Variants in PCDH7 observed in about 807,000 individuals in gnomAD.
The protein encoded by PCDH7 is protocadherin 7, also known as protocadherin-7.
In PCDH7, 17 loss-of-function variants were observed where a neutral mutation model predicts 58.9. The observed-to-expected ratio is 0.29, with a 90% CI of 0.20 to 0.43. The LOEUF is 0.43. Among genes scored for constraint, PCDH7 ranks in the 20% least tolerant of loss-of-function variants. The pLI is 1.00. For synonymous variants in PCDH7, 664 were observed against 616.4 expected, an observed-to-expected ratio of 1.08 and a Z score of -1.14; for missense variants, 1,274 against 1,441.0, an observed-to-expected ratio of 0.88 and a Z score of 1.88.
intron 3 of PCDH7, among the ~76,000 whole-genome samples, chr4:31,009,323 G>A (rs1028846636): frequency 2.0e-5 from 3 of 151,980 alleles, no homozygotes; most frequent in Admixed American, 1.3e-4. Flanking sequence ...AGTGGAAATA[G>A]GGAAACAGCT....
chr4:31,090,436 A>C (rs972202749), intron 3 of PCDH7, among the ~76,000 whole-genome samples: 1 of 152,040 alleles, frequency 6.6e-6, no homozygotes, highest in Non-Finnish European at 1.5e-5. Context: ...TTATGCTCTT[A>C]GTTATTTTAA....
chr4:30,746,423 G>T (rs377238598), intron 1 of PCDH7, among the ~76,000 whole-genome samples: 1 of 152,158 alleles, frequency 6.6e-6, no homozygotes. Flanking sequence ...AGAGCAGGGG[G>T]TAGATGTTCT....
rs763191961 is a variant in PCDH7 at position 31,113,456 on chromosome 4, T to C, written c.*8-29017T>C. Among the ~76,000 whole-genome samples the C allele has an allele frequency of 3.9e-5, 6 of 152,200 alleles. No individual in the cohort carries two copies. In the South Asian group the frequency reaches 8.3e-4, roughly 21 times the overall value. On this transcript the variant is annotated intron_variant, in intron 3 of 3. Transcript: ENST00000509759. ...TTAACCAGAATATAAAAGATCCTCA[T>C]GTAGGACATGTTGGTAATATTTCCT... is the stretch of plus-strand genomic sequence containing the variant.
chr4:30,984,621 G>A (rs1750821145), intron 3 of PCDH7, among the ~76,000 whole-genome samples: 1 of 152,156 alleles, frequency 6.6e-6, no homozygotes, highest in South Asian at 2.1e-4. Context: ...ATTGTATGCA[G>A]GAGCAAATTG....
intron 1 of PCDH7, among the ~76,000 whole-genome samples, chr4:30,785,597 A>G (rs1056100481): frequency 7.9e-5 from 12 of 152,038 alleles, no homozygotes; most frequent in African/African-American, 2.9e-4. Context: ...ATACTGTCAG[A>G]GCATTTTAAT....
chr4:30,899,333 T>C (rs2109392931), intron 1 of PCDH7, among the ~76,000 whole-genome samples: 1 of 152,318 alleles, frequency 6.6e-6, no homozygotes, highest in South Asian at 2.1e-4. Context: ...AATTGCCCTT[T>C]TTTGACTTCC....
chr4:30,789,104 G>A (rs1004750232), intron 1 of PCDH7, among the ~76,000 whole-genome samples: 4 of 152,100 alleles, frequency 2.6e-5, no homozygotes, highest in Non-Finnish European at 5.9e-5. Flanking sequence ...ATGTACTGAG[G>A]TATAAGTTAT....
intron 3 of PCDH7, among the ~76,000 whole-genome samples, chr4:31,087,895 TATA>T (rs1333843450): frequency 6.6e-6 from 1 of 152,092 alleles, no homozygotes; most frequent in Non-Finnish European, 1.5e-5. Flanking sequence ...AGGGAAGAAA[TATA>T]ATGATCATAC....
At chr4:31,126,414 C>G (rs929739871) in intron 3 of PCDH7, among the ~76,000 whole-genome samples, 3 of 152,118 alleles carry the variant, frequency 2.0e-5, no homozygotes, top group African/African-American at 7.2e-5. Context: ...CTCACCTCAG[C>G]CTCTCAAGGT....
intron 1 of PCDH7, among the ~76,000 whole-genome samples, chr4:30,795,356 C>T (rs565327663): frequency 7.2e-5 from 11 of 152,182 alleles, no homozygotes; most frequent in African/African-American, 1.9e-4. Flanking sequence ...GAACATTTTA[C>T]GTATGACATA....
chr4:30,973,446 A>G (rs1749780130), intron 3 of PCDH7, among the ~76,000 whole-genome samples: 1 of 152,186 alleles, frequency 6.6e-6, no homozygotes, highest in Admixed American at 6.5e-5. Context: ...TGATTGGTGC[A>G]TTTTTGGAAT....
intron 1 of PCDH7, among the ~76,000 whole-genome samples, chr4:30,763,359 C>T (rs1427467077): frequency 6.6e-6 from 1 of 152,114 alleles, no homozygotes; most frequent in East Asian, 1.9e-4. Context: ...TAAAGTCTAA[C>T]TACAGTTACA....
intron 3 of PCDH7, among the ~76,000 whole-genome samples, chr4:31,066,249 G>C (rs1481396081): frequency 6.6e-6 from 1 of 151,858 alleles, no homozygotes; most frequent in Non-Finnish European, 1.5e-5. Context: ...TATGAGGAAA[G>C]GAGGCTCTGT....
chr4:30,881,442 A>G (rs566870931), intron 1 of PCDH7, among the ~76,000 whole-genome samples: 2 of 152,310 alleles, frequency 1.3e-5, no homozygotes, highest in East Asian at 3.9e-4. Flanking sequence ...AACTGCTCAC[A>G]TCTAAAGACA....
intron 3 of PCDH7, among the ~76,000 whole-genome samples, chr4:31,085,293 G>T (rs1417066086): frequency 6.6e-6 from 1 of 151,994 alleles, no homozygotes; most frequent in Non-Finnish European, 1.5e-5. Flanking sequence ...AAGTTGCAGG[G>T]TCTGCAAAAT....
At chr4:30,756,661 A>G (rs1719352296) in intron 1 of PCDH7, among the ~76,000 whole-genome samples, 1 of 152,104 alleles carries the variant, frequency 6.6e-6, no homozygotes, top group South Asian at 2.1e-4. Flanking sequence ...TTACGCCACT[A>G]CCTATATTTC....
At chr4:30,916,070 G>A (rs933294667) in intron 1 of PCDH7, among the ~76,000 whole-genome samples, 12 of 152,078 alleles carry the variant, frequency 7.9e-5, no homozygotes, top group African/African-American at 2.9e-4. Flanking sequence ...TTTCTTAAAT[G>A]TGTAGAATCA....
intron 3 of PCDH7, among the ~76,000 whole-genome samples, chr4:31,093,315 C>T (rs930122342): frequency 5.3e-5 from 8 of 152,132 alleles, no homozygotes; most frequent in African/African-American, 1.9e-4. Flanking sequence ...CTGTTTGCTT[C>T]CCTCTTGCTG....
chr4:30,892,341 G>T (rs1299037442), intron 1 of PCDH7, among the ~76,000 whole-genome samples: 2 of 151,966 alleles, frequency 1.3e-5, no homozygotes, highest in African/African-American at 4.8e-5. Context: ...ATAATCTTTT[G>T]TTAGTAAAGT....
Sources: gnomAD v4.1 joint callset for allele counts (sites outside exome capture counted in the v4.1 genomes callset) on GRCh38, gnomAD v4.1.1 for gene constraint, MANE v1.5 for transcripts, NCBI Gene and HGNC (gene_info 2026-07-23, HGNC 2026-07-21) for gene names.